The following FAM227B variants were observed in gnomAD, a reference collection of about 807,000 sequenced individuals.
FAM227B encodes protein FAM227B.
In FAM227B, 88 loss-of-function variants were observed where a neutral mutation model predicts 73.8. The observed-to-expected ratio is 1.19, with a 90% CI of 1.00 to 1.42. FAM227B has a LOEUF of 1.42. Ranked by LOEUF, FAM227B falls within the 40% of genes most tolerant of loss-of-function variation. FAM227B has a pLI of 0.00. For synonymous variants in FAM227B, 210 were observed against 190.5 expected (o/e 1.10, Z -0.84); for missense variants, 632 against 590.9 (o/e 1.07, Z -0.72).
chr15:49,368,161 G>A (rs975636779), intron 12 of FAM227B, among the ~76,000 whole-genome samples: 3 of 151,848 alleles, frequency 2.0e-5, no homozygotes, highest in Non-Finnish European at 2.9e-5. Context: ...CAGTGGGATA[G>A]CATAGAGGTG....
At chr15:49,348,395 C>A (rs1277099509) in intron 13 of FAM227B, among the ~76,000 whole-genome samples, 1 of 152,156 alleles carries the variant, frequency 6.6e-6, no homozygotes, top group African/African-American at 2.4e-5. Flanking sequence ...GATAGAACTT[C>A]TGGAACTCCC....
chr15:49,349,623 T>C (rs889803722), intron 13 of FAM227B, among the ~76,000 whole-genome samples: 2 of 152,146 alleles, frequency 1.3e-5, no homozygotes, highest in Admixed American at 6.5e-5. Context: ...GTATTTGATA[T>C]ATGGTAGCAT....
intron 11 of FAM227B, among the ~76,000 whole-genome samples, chr15:49,479,329 A>G (rs1243416035): frequency 6.6e-6 from 1 of 152,114 alleles, no homozygotes; most frequent in Non-Finnish European, 1.5e-5. Context: ...TCTATGTAAT[A>G]TGCTTTAAAT....
intron 10 of FAM227B, among the ~76,000 whole-genome samples, chr15:49,523,659 A>G (rs2059943425): frequency 6.6e-6 from 1 of 152,036 alleles, no homozygotes; most frequent in African/African-American, 2.4e-5. Context: ...GGTTGGAACA[A>G]TTTGGAGGGC....
At chr15:49,329,225 G>C in intron 15 of FAM227B, 1 of 986,268 alleles carries the variant, frequency 1.0e-6, no homozygotes, top group South Asian at 4.7e-5. Flanking sequence ...TGGTATTGAT[G>C]GGTATCTCTG....
At chr15:49,560,101 G>T (rs182075202) in intron 9 of FAM227B, among the ~76,000 whole-genome samples, 1 of 152,094 alleles carries the variant, frequency 6.6e-6, no homozygotes. Context: ...TGAGATTCAA[G>T]AAAAGATTAA....
At chr15:49,467,433 T>C (rs1161372224) in intron 11 of FAM227B, among the ~76,000 whole-genome samples, 1 of 152,050 alleles carries the variant, frequency 6.6e-6, no homozygotes, top group Non-Finnish European at 1.5e-5. Context: ...CCCTGGTACA[T>C]TTGTATTTTG....
intron 11 of FAM227B, among the ~76,000 whole-genome samples, chr15:49,492,586 G>A (rs923610452): frequency 4.0e-5 from 6 of 151,778 alleles, no homozygotes; most frequent in Admixed American, 2.0e-4. Context: ...AAAGAAAAAT[G>A]TTACTTTCTT....
intron 9 of FAM227B, among the ~76,000 whole-genome samples, chr15:49,544,669 G>A (rs1206681441): frequency 6.6e-6 from 1 of 152,036 alleles, no homozygotes; most frequent in African/African-American, 2.4e-5. Context: ...ATTACCCTGA[G>A]GTATGTCTCC....
chr15:49,589,999 C>G lies in FAM227B; in HGVS notation c.114G>C (p.Trp38Cys), dbSNP rs1192832583. 1.3e-6 allele frequency: 2 copies of G among 1,563,764 alleles called. No individual in the cohort carries two copies. Among genetic ancestry groups the G allele is most frequent in the Non-Finnish European group, 1.8e-6 (2 of 1,137,724 alleles). ...CATCTCTAAAATGGATTTCCCTTGGCCAATAATCCTGCAAAAAACGTGAAA... is the reference window on the plus strand; with the variant it reads ...CATCTCTAAAATGGATTTCCCTTGGGCAATAATCCTGCAAAAAACGTGAAA... ...EFLKFQNWDY[W>C]PREIHFRDDD... The change falls in exon 4 of 16, where the codon TGG (tryptophan) becomes TGC (cysteine). Residue 38 changes from tryptophan (W) to cysteine (C), a missense_variant. Coordinates refer to ENST00000299338, the MANE Select transcript of FAM227B (RefSeq NM_152647.3).
At chr15:49,412,045 A>G (rs1381430209) in intron 11 of FAM227B, among the ~76,000 whole-genome samples, 1 of 152,110 alleles carries the variant, frequency 6.6e-6, no homozygotes, top group African/African-American at 2.4e-5. Flanking sequence ...TGGCATTAAG[A>G]AGCAATATTT....
At chr15:49,502,418 T>C (rs2058218969) in intron 11 of FAM227B, among the ~76,000 whole-genome samples, 1 of 152,248 alleles carries the variant, frequency 6.6e-6, no homozygotes, top group South Asian at 2.1e-4. Flanking sequence ...ATGTGGGACA[T>C]AAAGTCAAAG....
At chr15:49,508,060 A>C (rs1403597249) in intron 11 of FAM227B, 151 bp downstream of exon 11, 1 of 726,614 alleles carries the variant, frequency 1.4e-6, no homozygotes, top group Non-Finnish European at 2.1e-6. Context: ...AAAGGACTTA[A>C]GTGTGTACCA....
At chr15:49,385,715 T>C (rs182084831) in intron 11 of FAM227B, among the ~76,000 whole-genome samples, 1 of 151,622 alleles carries the variant, frequency 6.6e-6, no homozygotes, top group Non-Finnish European at 1.5e-5. Context: ...AATGGCAGAA[T>C]GGATAAAAAA....
intron 11 of FAM227B, among the ~76,000 whole-genome samples, chr15:49,383,045 A>C (rs559353151): frequency 5.9e-5 from 9 of 152,222 alleles, no homozygotes; most frequent in Non-Finnish European, 1.3e-4. Context: ...GTCGTGCATA[A>C]ACATTTTGAG....
At chr15:49,484,939 C>G (rs1374887843) in intron 11 of FAM227B, 2 of 152,452 alleles carry the variant, frequency 1.3e-5, no homozygotes, top group Non-Finnish European at 2.9e-5. Context: ...AGGCTTCTGG[C>G]AGGATTTGTC....
chr15:49,401,205 C>A (rs1254483902), intron 11 of FAM227B, among the ~76,000 whole-genome samples: 2 of 152,240 alleles, frequency 1.3e-5, no homozygotes, highest in African/African-American at 2.4e-5. Context: ...TGAACAGACA[C>A]TTCTCAAAAG....
intron 11 of FAM227B, among the ~76,000 whole-genome samples, chr15:49,428,033 T>C (rs1385690106): frequency 6.6e-6 from 1 of 151,908 alleles, no homozygotes; most frequent in East Asian, 1.9e-4. Context: ...ACAGAAAGAG[T>C]GCATCAAGGA....
Position 49,483,632 on chromosome 15 carries a change from A to G in FAM227B, c.1012+24579T>C, listed in dbSNP as rs1443439861. Among the ~76,000 whole-genome samples, 5 of 152,020 alleles carry G rather than the reference A, an allele frequency of 3.3e-5. No homozygotes were observed. The East Asian group carries it at 9.6e-4, about 29-fold the overall frequency. Reference sequence around the variant, plus strand: ...GCTGACATGAAAATTCTTGGGAAAAAATCTTGAAATGTTTAGTTCATTCAT... The same window carrying G: ...GCTGACATGAAAATTCTTGGGAAAAGATCTTGAAATGTTTAGTTCATTCAT... On this transcript the variant is annotated intron_variant, in intron 11 of 15. Coordinates refer to ENST00000299338, the MANE Select transcript of FAM227B (RefSeq NM_152647.3).
Sources: allele counts gnomAD v4.1 joint callset (sites outside exome capture counted in the v4.1 genomes callset), GRCh38; gene constraint gnomAD v4.1.1; transcripts MANE v1.5; gene names NCBI Gene and HGNC (gene_info 2026-07-23, HGNC 2026-07-21).